Variants in LRCOL1 observed in about 807,000 individuals in gnomAD.
LRCOL1 encodes the protein leucine-rich colipase-like protein 1.
LRCOL1 carries 21 observed loss-of-function variants against 21.6 expected under a neutral mutation model. The observed-to-expected ratio is 0.97, with a 90% confidence interval of 0.69 to 1.40. The LOEUF is 1.40. Among genes scored for constraint, LRCOL1 ranks in the 40% most tolerant of loss-of-function variants. The pLI is 0.00. For missense variants in LRCOL1, 198 were observed against 202.3 expected (o/e 0.98, Z 0.13); for synonymous variants, 98 against 90.1 (o/e 1.09, Z -0.49).
At chr12:132,603,826 T>G (rs1409431489) in intron 5 of LRCOL1, 1 of 985,274 alleles carries the variant, frequency 1.0e-6, no homozygotes, top group Non-Finnish European at 1.2e-6. Flanking sequence ...CGAGCACGGC[T>G]TGTCCCATGG....
rs1273869075 is a variant in LRCOL1, at chr12:132,606,223, A to T, written c.29T>A (p.Leu10Gln). The T allele has an allele frequency of 2.6e-6, 4 of 1,536,530 alleles. No individual in the cohort carries two copies. The highest frequency in any genetic ancestry group is 3.5e-6 in the Non-Finnish European group (4 of 1,146,884). The change falls in exon 2 of 6, where the codon CTA becomes CAA. Residue 10 changes from leucine to glutamine, a missense_variant. Physicochemically the swap from Leu to Gln is moderately radical, Grantham distance 113. Coordinates refer to ENST00000376608, the MANE Select transcript of LRCOL1 (RefSeq NM_001195520.2). The surrounding 1 kb of genome is among the most constrained non-coding windows in gnomAD (Gnocchi z 4.6). ...CAGCAGCAGCAGCAGCAGCAGCAGT[A>T]GCAGCAGCGTCCACCCCGGGCCGGC... MAGPGWTLLLLLLLLLLLGS... is the reference protein window; with the variant it reads MAGPGWTLLQLLLLLLLLGS...
At chr12:132,607,285 T>G (rs568717200) in intron 1 of LRCOL1, among the ~76,000 whole-genome samples, 12 of 152,216 alleles carry the variant, frequency 7.9e-5, no homozygotes, top group African/African-American at 2.9e-4. Flanking sequence ...TCCAAAGCCA[T>G]ACGGGAAAAC....
Position 132,606,067 on chromosome 12 carries a change from C to G in LRCOL1, c.105+80G>C, listed in dbSNP as rs2041304768. 33 of 1,391,266 alleles carry G rather than the reference C, an allele frequency of 2.4e-5. No homozygotes were observed. The highest frequency in any genetic ancestry group is 3.1e-5 in the Non-Finnish European group (32 of 1,021,438). 86.2% of individuals were successfully genotyped at this position (1,391,266 alleles called of 1,614,324 possible). A position where few individuals can be genotyped will look rare whatever the true frequency, so the allele number is the denominator to read the frequency against. On this transcript the variant is annotated intron_variant, in intron 2 of 5. Transcript: ENST00000376608. This position sits in a 1 kb window ranked among gnomAD's most constrained non-coding sequence, Gnocchi z 4.6. Reference sequence around the variant, plus strand: ...TGGCAGCCCTCGCGGGTGGGGACTGCAAGGGCCTCAGGGGCGCCCGGCACC... The same window carrying G: ...TGGCAGCCCTCGCGGGTGGGGACTGGAAGGGCCTCAGGGGCGCCCGGCACC...
intron 1 of LRCOL1, among the ~76,000 whole-genome samples, chr12:132,609,474 G>A (rs2041350079): frequency 6.6e-6 from 1 of 152,218 alleles, no homozygotes; most frequent in African/African-American, 2.4e-5. Context: ...CAAGGTGGGC[G>A]ATTACCTGAG....
In LRCOL1 at chr12:132,610,444, T is replaced by C. The variant is rs10870480; in HGVS notation, c.-135A>G. ...GAGCAGGGACCCGGCAGCCCGGCAG[T>C]ACGCTGGGCACAGTCGCAGCCCCGC... On this transcript the variant is annotated 5_prime_UTR_variant, in exon 1 of 6. Transcript: ENST00000376608. 0.63 allele frequency: 96,705 copies of C among 152,502 alleles called. 31,332 individuals are homozygous for C. The highest frequency in any genetic ancestry group is 0.8 in the East Asian group (4,142 of 5,186). 9.4% of individuals were successfully genotyped at this position (152,502 alleles called of 1,614,324 possible).
At chr12:132,603,748 G>C in intron 5 of LRCOL1, 1 of 985,374 alleles carries the variant, frequency 1.0e-6, no homozygotes, top group South Asian at 4.7e-5. Flanking sequence ...CGCCCCCACC[G>C]CGTTTGCGCC....
chr12:132,609,044 C>T (rs927542349), intron 1 of LRCOL1, among the ~76,000 whole-genome samples: 1 of 152,130 alleles, frequency 6.6e-6, no homozygotes, highest in Non-Finnish European at 1.5e-5. Context: ...AGAGGGTGGA[C>T]GAATGTGTTA....
At chr12:132,609,070 G>A (rs1451766396) in intron 1 of LRCOL1, among the ~76,000 whole-genome samples, 3 of 152,158 alleles carry the variant, frequency 2.0e-5, no homozygotes, top group East Asian at 1.9e-4. Context: ...CCCCTGCCCC[G>A]AATGTGATAT....
At chr12:132,605,869 C>T (rs550155997) in intron 2 of LRCOL1, 19 of 475,854 alleles carry the variant, frequency 4.0e-5, no homozygotes, top group Middle Eastern at 5.5e-4. Flanking sequence ...GCCTGGTTGA[C>T]GGTGGCCGTG....
chr12:132,608,262 C>T (rs912822225), intron 1 of LRCOL1, among the ~76,000 whole-genome samples: 22 of 152,176 alleles, frequency 1.4e-4, no homozygotes, highest in Admixed American at 4.6e-4. Context: ...AGCTGAGCCC[C>T]GGCAGTGGCC....
At chr12:132,604,888 G>C (rs1310616038) in intron 2 of LRCOL1, 57 bp from the exon 3 acceptor site, 2 of 1,524,396 alleles carry the variant, frequency 1.3e-6, no homozygotes, top group African/African-American at 1.4e-5. Flanking sequence ...TGCAGACTCA[G>C]CACTCAGGAA....
intron 1 of LRCOL1, among the ~76,000 whole-genome samples, chr12:132,609,696 C>CA (rs897920353): frequency 6.0e-5 from 9 of 151,186 alleles, no homozygotes; most frequent in East Asian, 5.8e-4. Context: ...GACTCCATCT[C>CA]AAAAAAAAAT....
At chr12:132,608,631 A>G (rs1400485443) in intron 1 of LRCOL1, among the ~76,000 whole-genome samples, 1 of 152,232 alleles carries the variant, frequency 6.6e-6, no homozygotes, top group Non-Finnish European at 1.5e-5. Context: ...CAGTGGCACA[A>G]TCGCAGCTCA....
In LRCOL1 at chr12:132,604,394, C is replaced by T; in HGVS notation, c.355-18G>A. 6.5e-7 allele frequency: 1 copy of T among 1,534,668 alleles called. No individual in the cohort carries two copies. Among genetic ancestry groups the T allele is most frequent in the South Asian group, 1.2e-5 (1 of 83,874 alleles). The stretch of plus-strand genomic sequence containing the variant: ...CCGTTGGGCTGGGGAGGCAGCCAGG[C>T]AGCAGTCGTGGAGAGGGGCTGTCTC... On this transcript the variant is annotated intron_variant, in intron 4 of 5. Transcript: ENST00000376608.
In LRCOL1 at chr12:132,609,328, C is replaced by T. The variant is rs115709432; in HGVS notation, c.-14+995G>A. On this transcript the variant is annotated intron_variant, in intron 1 of 5. Coordinates refer to ENST00000376608, the MANE Select transcript of LRCOL1 (RefSeq NM_001195520.2). ...GGTTGACATTTGGGAAGATGTAAAG[C>T]TCTGCAGGTGGATGGCAGTGATGGC... is the stretch of plus-strand genomic sequence containing the variant. 5.1e-3 allele frequency among the ~76,000 whole-genome samples: 784 copies of T among 152,326 alleles called. 8 individuals carry two copies. Among genetic ancestry groups the T allele is most frequent in the African/African-American group, 0.018 (757 of 41,564 alleles).
Position 132,604,596 on chromosome 12 carries a change from G to A in LRCOL1, c.232-12C>T. The stretch of plus-strand genomic sequence containing the variant: ...CTGTACCCATTGGGCTATGGGACAG[G>A]AGACGCGTCATCCCTGCACCCACCA... On this transcript the variant is annotated splice_polypyrimidine_tract_variant and intron_variant, in intron 3 of 5. Transcript: ENST00000376608. 6.5e-7 allele frequency: 1 copy of A among 1,530,938 alleles called. No individual in the cohort carries two copies. Among genetic ancestry groups the A allele is most frequent in the South Asian group, 1.2e-5 (1 of 83,682 alleles). 94.8% of individuals were successfully genotyped at this position (1,530,938 alleles called of 1,614,324 possible).
At position 132,603,601 on chromosome 12, in the gene LRCOL1, C is replaced by A. The variant is rs58840978; in HGVS notation, c.478-197G>T. On this transcript the variant is annotated intron_variant, in intron 5 of 5. Coordinates refer to ENST00000376608, the MANE Select transcript of LRCOL1 (RefSeq NM_001195520.2). The stretch of plus-strand genomic sequence containing the variant: ...GCCGCGCCAGGCGCCCGGAGCTGCT[C>A]CCAGCGCCCACGAGGGCGCCTGGTG... 1.4e-4 allele frequency: 133 copies of A among 984,662 alleles called. No homozygotes were observed. The African/African-American group carries it at 2.3e-3, about 17-fold the overall frequency. 61.0% of individuals were successfully genotyped at this position (984,662 alleles called of 1,614,324 possible). A position where few individuals can be genotyped will look rare whatever the true frequency, so the allele number is the denominator to read the frequency against.
At chr12:132,607,519 G>A (rs749337678) in intron 1 of LRCOL1, among the ~76,000 whole-genome samples, 5 of 152,234 alleles carry the variant, frequency 3.3e-5, no homozygotes, top group Admixed American at 6.5e-5. Flanking sequence ...CCCTCACCCC[G>A]TGCTGTGAGA....
chr12:132,604,225 T>C (rs1247498619), intron 5 of LRCOL1, 29 bp downstream of exon 5: 3 of 1,515,400 alleles, frequency 2.0e-6, no homozygotes, highest in African/African-American at 1.4e-5. Flanking sequence ...AGGGAGGGCC[T>C]GGAGGCTGAG....
Sources: gnomAD v4.1 joint callset for allele counts (sites outside exome capture counted in the v4.1 genomes callset) on GRCh38, gnomAD v4.1.1 for gene constraint, Gnocchi (gnomAD v3.1) non-coding constraint, MANE v1.5 for transcripts, NCBI Gene and HGNC (gene_info 2026-07-23, HGNC 2026-07-21) for gene names.